Variants in C2orf81 observed in about 807,000 individuals in gnomAD.
C2orf81 encodes uncharacterized protein C2orf81.
A neutral mutation model predicts 7.9 loss-of-function variants in C2orf81; 5 were observed. The ratio of observed to expected loss-of-function variants is 0.63; its 90% CI spans 0.33 to 1.33. C2orf81 has a LOEUF of 1.33. C2orf81 is among the 40% of genes most tolerant of loss of function. C2orf81 has a pLI of 0.05. For missense variants in C2orf81, 781 were observed against 830.4 expected (o/e 0.94, Z 0.73); for synonymous variants, 346 against 367.4 (o/e 0.94, Z 0.66).
At chr2:74,417,254 G>T (rs564695000) in intron 1 of C2orf81, 7 of 593,156 alleles carry the variant, frequency 1.2e-5, no homozygotes, top group Non-Finnish European at 1.8e-5. Flanking sequence ...GGAGTGGGAA[G>T]GGTGAGCTCC....
rs756709840 is a variant in C2orf81 at position 74,415,685 on chromosome 2, C to T, written c.492G>A (p.Pro164=). ...GAGCAGGAGCAATGGCAGAGGAGTC[C>T]GGAGAGGCTCCTGAGGAGTGTACTT... ...QGEVHSSGAS[P]DSSAIAPALP... Residue 164 remains proline (P), a synonymous_variant, in exon 3 of 3, where the codon CCG becomes CCA. Transcript: ENST00000684111. The surrounding 1 kb of genome is among the most constrained non-coding windows in gnomAD (Gnocchi z 5.5). The T allele has an allele frequency of 1.9e-6, 3 of 1,551,462 alleles. No homozygotes were observed. The highest frequency in any genetic ancestry group is 2.7e-5 in the African/African-American group (2 of 73,176).
chr2:74,417,300 G>A lies in C2orf81; in HGVS notation c.19-1059C>T, dbSNP rs1676492969. On this transcript the variant is annotated intron_variant, in intron 1 of 2. Transcript: ENST00000684111. ...TGCCCCATCTGAGGAGAGGAAAATGGCCAAGTGGTAGAAGCAAAGTAGGGT... is the reference window on the plus strand; with the variant it reads ...TGCCCCATCTGAGGAGAGGAAAATGACCAAGTGGTAGAAGCAAAGTAGGGT... 3 of 1,202,306 alleles carry A rather than the reference G, an allele frequency of 2.5e-6. No individual in the cohort carries two copies. The African/African-American group carries it at 4.7e-5, about 19-fold the overall frequency. The allele number at this position is 1,202,306 out of a possible 1,614,324, so 74.5% of individuals were successfully genotyped here. A position where few individuals can be genotyped will look rare whatever the true frequency, so the allele number is the denominator to read the frequency against.
At chr2:74,418,741 G>C (rs370838812) in intron 1 of C2orf81, among the ~76,000 whole-genome samples, 5 of 151,806 alleles carry the variant, frequency 3.3e-5, no homozygotes, top group Non-Finnish European at 4.4e-5. Context: ...CCATTTTATG[G>C]TAATTTACCC....
chr2:74,418,247 T>C (rs55981453), intron 1 of C2orf81: 16 of 1,597,048 alleles, frequency 1.0e-5, no homozygotes, highest in Non-Finnish European at 1.4e-5. Context: ...GCACCCTTGT[T>C]TTTGCTTCCC....
chr2:74,420,498 C>G (rs1045672050), intron 1 of C2orf81, among the ~76,000 whole-genome samples: 1 of 152,160 alleles, frequency 6.6e-6, no homozygotes. Context: ...CATTATCCCC[C>G]CAAATCTGCT....
At position 74,414,668 on chromosome 2, in the gene C2orf81, C is replaced by T; in HGVS notation, c.1509G>A (p.Trp503Ter). 1 of 1,547,966 alleles carries T rather than the reference C, an allele frequency of 6.5e-7. No homozygotes were observed. The highest frequency in any genetic ancestry group is 8.7e-7 in the Non-Finnish European group (1 of 1,144,752). Residue 503 changes from tryptophan (W) to a stop codon, truncating the protein, a stop_gained, in exon 3 of 3, where the codon TGG (tryptophan) becomes TGA (stop). Coordinates refer to ENST00000684111, the MANE Select transcript of C2orf81 (RefSeq NM_001316764.3). LOFTEE classifies it low-confidence loss of function (END_TRUNC). This position sits in a 1 kb window ranked among gnomAD's most constrained non-coding sequence, Gnocchi z 5.3. ...CGGCCTTCCCCTCCCAACCGCTGGG[C>T]CACCTGACACTGGGCCACAGCTTGG... is the stretch of plus-strand genomic sequence containing the variant. ...RSPKLWPSVR[W>*]PSGWEGKAEL...
Position 74,415,773 on chromosome 2 carries a change from G to A in C2orf81, c.404C>T (p.Ala135Val), listed in dbSNP as rs756449577. 6.4e-7 allele frequency: 1 copy of A among 1,551,644 alleles called. No individual in the cohort carries two copies. Residue 135 changes from alanine (A) to valine (V), a missense_variant, in exon 3 of 3, where the codon GCT becomes GTT. Physicochemically the swap from Ala to Val is moderately conservative, Grantham distance 64. Coordinates refer to ENST00000684111, the MANE Select transcript of C2orf81 (RefSeq NM_001316764.3). This position sits in a 1 kb window ranked among gnomAD's most constrained non-coding sequence, Gnocchi z 5.5. ...GTGCAGCACGGGCACTGAACCCTGA[G>A]CCCAGGAGTCCGTCGTGCATGCCGA... ...EPSACTTDSW[A>V]QGSVPVLHAS...
At chr2:74,419,659 G>A (rs1051439558) in intron 1 of C2orf81, among the ~76,000 whole-genome samples, 7 of 151,932 alleles carry the variant, frequency 4.6e-5, no homozygotes, top group Admixed American at 1.3e-4. Flanking sequence ...AATTCTCTGC[G>A]GTATTTTTAT....
At chr2:74,421,243 T>G (rs1676604837) in intron 1 of C2orf81, among the ~76,000 whole-genome samples, 1 of 152,240 alleles carries the variant, frequency 6.6e-6, no homozygotes, top group Non-Finnish European at 1.5e-5. Context: ...CGCACCACCA[T>G]GTAAGAGACT....
chr2:74,418,979 G>A (rs1573216015), intron 1 of C2orf81, among the ~76,000 whole-genome samples: 2 of 151,926 alleles, frequency 1.3e-5, no homozygotes, highest in South Asian at 2.1e-4. Context: ...TCAGGAGTTC[G>A]AGACCAGCCT....
chr2:74,420,016 C>G (rs930451860), intron 1 of C2orf81, among the ~76,000 whole-genome samples: 6 of 152,208 alleles, frequency 3.9e-5, no homozygotes, highest in Non-Finnish European at 5.9e-5. Context: ...AAGTGATCTG[C>G]CCACCTTGCA....
At chr2:74,418,584 T>C in intron 1 of C2orf81, 1 of 650,922 alleles carries the variant, frequency 1.5e-6, no homozygotes, top group Non-Finnish European at 2.8e-6. Flanking sequence ...CAGCCGCCCC[T>C]GGTCGCAAAT....
At chr2:74,418,796 T>C (rs1370775466) in intron 1 of C2orf81, among the ~76,000 whole-genome samples, 1 of 151,908 alleles carries the variant, frequency 6.6e-6, no homozygotes, top group African/African-American at 2.4e-5. Context: ...TGCATTCACA[T>C]GCAAGTCTGT....
intron 1 of C2orf81, chr2:74,417,477 G>C (rs1375988553): frequency 2.3e-6 from 3 of 1,287,258 alleles, no homozygotes; most frequent in African/African-American, 3.0e-5. Flanking sequence ...GAGGGAGTAG[G>C]GGACTCACAC....
In C2orf81 at chr2:74,414,878, C is replaced by T. The variant is rs1436699557; in HGVS notation, c.1299G>A (p.Ala433=). The T allele has an allele frequency of 6.5e-7, 1 of 1,548,956 alleles. No individual in the cohort carries two copies. Among genetic ancestry groups the T allele is most frequent in the Admixed American group, 2.0e-5 (1 of 50,906 alleles). The change falls in exon 3 of 3, where the codon GCG becomes GCA. Residue 433 remains alanine (A), a synonymous_variant. Coordinates refer to ENST00000684111, the MANE Select transcript of C2orf81 (RefSeq NM_001316764.3). This position sits in a 1 kb window ranked among gnomAD's most constrained non-coding sequence, Gnocchi z 5.3. ...LGPGTRVSPA[A]FFPLRPGIPF... is the part of the protein sequence containing the mutation. ...GAATGCCTGGCCGGAGAGGGAAGAA[C>T]GCTGCCGGGGAGACACGGGTGCCGG...
At position 74,414,984 on chromosome 2, in the gene C2orf81, T is replaced by G. The variant is rs776847377; in HGVS notation, c.1193A>C (p.Gln398Pro). 1.2e-5 allele frequency: 18 copies of G among 1,548,932 alleles called. No individual in the cohort carries two copies. The South Asian group carries it at 2.0e-4, about 17-fold the overall frequency. The change falls in exon 3 of 3, where the codon CAA becomes CCA. Residue 398 changes from glutamine to proline, a missense_variant. By Grantham distance (76) the Gln-to-Pro change is moderately conservative (BLOSUM62 -1). Transcript: ENST00000684111. The surrounding 1 kb of genome is among the most constrained non-coding windows in gnomAD (Gnocchi z 5.3). ...PLAEVLVPDSQTRPLEAYRGR... is the reference protein window; with the variant it reads ...PLAEVLVPDSPTRPLEAYRGR... ...GCGGTAGGCTTCCAAGGGGCGTGTT[T>G]GAGAGTCTGGGACCAGGACCTCAGC...
At chr2:74,421,217 C>T (rs1676603983) in intron 1 of C2orf81, among the ~76,000 whole-genome samples, 1 of 152,196 alleles carries the variant, frequency 6.6e-6, no homozygotes, top group South Asian at 2.1e-4. Flanking sequence ...TCTCTAAATG[C>T]TCATCCATTT....
intron 1 of C2orf81, among the ~76,000 whole-genome samples, chr2:74,419,579 G>A (rs957037288): frequency 2.0e-5 from 3 of 152,112 alleles, no homozygotes; most frequent in African/African-American, 4.8e-5. Flanking sequence ...CCTCAACCCT[G>A]CAATTTCAGT....
intron 1 of C2orf81, chr2:74,416,691 A>C (rs1367667330): frequency 1.3e-5 from 2 of 156,664 alleles, no homozygotes; most frequent in Admixed American, 6.4e-5. Flanking sequence ...TGAAGGTTTA[A>C]CTTCATGGCC....
Sources: gnomAD v4.1 joint callset for allele counts (sites outside exome capture counted in the v4.1 genomes callset) on GRCh38, gnomAD v4.1.1 for gene constraint, Gnocchi (gnomAD v3.1) non-coding constraint, MANE v1.5 for transcripts, NCBI Gene and HGNC (gene_info 2026-07-23, HGNC 2026-07-21) for gene names.